The following GSTA3 variants were observed in gnomAD, a reference collection of about 807,000 sequenced individuals.
The protein encoded by GSTA3 is glutathione S-transferase A3.
A neutral mutation model predicts 23.1 loss-of-function variants in GSTA3; 16 were observed. The ratio of observed to expected loss-of-function variants is 0.69; its 90% CI spans 0.47 to 1.05. The LOEUF is 1.05. Among genes scored for constraint, GSTA3 ranks in the 50% least tolerant of loss-of-function variants. The pLI is 0.00. For missense variants in GSTA3, 319 were observed against 263.6 expected (o/e 1.21, Z -1.46); for synonymous variants, 122 against 91.0 (o/e 1.34, Z -1.94).
rs565821334 is a variant in GSTA3 at position 52,906,136 on chromosome 6, C to G, written c.-21-281G>C. Among the ~76,000 whole-genome samples the G allele has an allele frequency of 3.3e-5, 5 of 152,272 alleles. No individual in the cohort carries two copies. The East Asian group carries it at 9.7e-4, about 29-fold the overall frequency. ...GGCACTACTGACTTGCATTATGTTCCAACCTAGTTGGTGACTTCATGTGCC... is the reference window on the plus strand; with the variant it reads ...GGCACTACTGACTTGCATTATGTTCGAACCTAGTTGGTGACTTCATGTGCC... On this transcript the variant is annotated intron_variant, in intron 1 of 6. Coordinates refer to ENST00000211122, the MANE Select transcript of GSTA3 (RefSeq NM_000847.5).
chr6:52,899,993 C>T lies in GSTA3; in HGVS notation c.355G>A (p.Ala119Thr). 6.2e-7 allele frequency: 1 copy of T among 1,613,944 alleles called. No individual in the cohort carries two copies. The highest frequency in any genetic ancestry group is 8.5e-7 in the Non-Finnish European group (1 of 1,179,882). ...TTCTCTTTGATCAAGGCAATCTTGG[C>T]ATCTTTTTCCTCAGGTCGACATAAG... ...LPLCRPEEKD[A>T]KIALIKEKTK... The change falls in exon 5 of 7, where the codon GCC becomes ACC. Residue 119 changes from alanine (A) to threonine (T), a missense_variant. Transcript: ENST00000211122.
rs192722860 is a variant in GSTA3, at chr6:52,903,362, C to T, written c.139+314G>A. ...CAGCACTTTGGGAGGCCGAGGCGGG[C>T]GGATCACGAGGTCAGGAGATCGAGA... On this transcript the variant is annotated intron_variant, in intron 3 of 6. Coordinates refer to ENST00000211122, the MANE Select transcript of GSTA3 (RefSeq NM_000847.5). 7.5e-3 allele frequency among the ~76,000 whole-genome samples: 1,120 copies of T among 149,980 alleles called. 14 individuals are homozygous for T. Among genetic ancestry groups the T allele is most frequent in the African/African-American group, 0.023 (932 of 40,812 alleles).
intron 3 of GSTA3, 26 bp downstream of exon 3, chr6:52,903,650 A>G: frequency 7.7e-7 from 1 of 1,307,166 alleles, no homozygotes; most frequent in East Asian, 2.3e-5. Flanking sequence ...TACCCTCATC[A>G]GAGGCACTTA....
At chr6:52,901,988 C>G (rs1561953448) in intron 4 of GSTA3, among the ~76,000 whole-genome samples, 1 of 152,230 alleles carries the variant, frequency 6.6e-6, no homozygotes, top group African/African-American at 2.4e-5. Context: ...TCTACAGACT[C>G]TCAAACATTC....
rs946482051 is a variant in GSTA3 at position 52,902,361 on chromosome 6, A to G, written c.257T>C (p.Ile86Thr). Residue 86 changes from isoleucine to threonine, a missense_variant, in exon 4 of 7, where the codon ATA becomes ACA. Transcript: ENST00000211122. ...TATACCGTACAGGGCTCTCTCCTTT[A>G]TGTCTTTCCCGTAGAGGTTGTATTT... ...ASKYNLYGKD[I>T]KERALIDMYT... 3 of 1,613,644 alleles carry G rather than the reference A, an allele frequency of 1.9e-6. No homozygotes were observed. The highest frequency in any genetic ancestry group is 2.7e-5 in the African/African-American group (2 of 74,864).
intron 3 of GSTA3, among the ~76,000 whole-genome samples, chr6:52,903,089 C>T (rs146991084): frequency 2.0e-5 from 3 of 152,154 alleles, no homozygotes; most frequent in African/African-American, 7.2e-5. Flanking sequence ...TTCACGGTGC[C>T]CCAAGCATGA....
intron 4 of GSTA3, among the ~76,000 whole-genome samples, chr6:52,900,944 A>G (rs1765661537): frequency 1.3e-5 from 2 of 152,170 alleles, no homozygotes; most frequent in Non-Finnish European, 2.9e-5. Flanking sequence ...CTACAGCCCT[A>G]TCCATGTGCT....
At chr6:52,903,443 A>AC (rs948117972) in intron 3 of GSTA3, among the ~76,000 whole-genome samples, 1 of 151,478 alleles carries the variant, frequency 6.6e-6, no homozygotes, top group East Asian at 1.9e-4. Flanking sequence ...AAAAAAAAAA[A>AC]AAAACTAGCC....
At chr6:52,897,494 C>A (rs1453502130) in intron 6 of GSTA3, among the ~76,000 whole-genome samples, 2 of 152,108 alleles carry the variant, frequency 1.3e-5, no homozygotes, top group Non-Finnish European at 1.5e-5. Flanking sequence ...AGTGTGGGAA[C>A]ACAAGGACAG....
In GSTA3 at chr6:52,907,830, G is replaced by T. The variant is rs187283465; in HGVS notation, c.-22+1811C>A. ...CACACTCTGGGGACTGTTGTGGGGT[G>T]GGGGGAGGGGGGAGGGATAGCATTG... On this transcript the variant is annotated intron_variant, in intron 1 of 6. Transcript: ENST00000211122. 3.0e-3 allele frequency among the ~76,000 whole-genome samples: 331 copies of T among 110,812 alleles called. 2 individuals carry two copies. The highest frequency in any genetic ancestry group is 3.9e-3 in the Non-Finnish European group (200 of 51,526). 72.7% of individuals were successfully genotyped at this position (110,812 alleles called of 152,430 possible).
intron 5 of GSTA3, among the ~76,000 whole-genome samples, chr6:52,898,696 A>G (rs1765552957): frequency 6.6e-6 from 1 of 152,222 alleles, no homozygotes; most frequent in South Asian, 2.1e-4. Flanking sequence ...CAGTGACGCA[A>G]AAAGAATAGT....
At position 52,904,532 on chromosome 6, in the gene GSTA3, C is replaced by T. The variant is rs1399119506; in HGVS notation, c.88-805G>A. On this transcript the variant is annotated intron_variant, in intron 2 of 6. Transcript: ENST00000211122. ...TCGTGAAGCATTGGAGAAAGTGCCG[C>T]CCCGAGGTTCAGGTCCACACAGCGC... Among the ~76,000 whole-genome samples, 3 of 152,294 alleles carry T rather than the reference C, an allele frequency of 2.0e-5. No homozygotes were observed. The East Asian group carries it at 5.8e-4, about 29-fold the overall frequency.
At position 52,899,939 on chromosome 6, in the gene GSTA3, C is replaced by A. The variant is rs773432450; in HGVS notation, c.409G>T (p.Glu137Ter). The change falls in exon 5 of 7, where the codon GAA becomes TAA. Residue 137 changes from glutamate to a stop codon, truncating the protein, a stop_gained. Coordinates refer to ENST00000211122, the MANE Select transcript of GSTA3 (RefSeq NM_000847.5). LOFTEE classifies it high-confidence loss of function. ...KTKSRYFPAF[E>*]KVLQSHGQDY... The stretch of plus-strand genomic sequence containing the variant: ...TGCTGAACAGCTTCACCTACTTTTT[C>A]GAAGGCAGGGAAATAGCGACTTTTT... 1 of 1,613,516 alleles carries A rather than the reference C, an allele frequency of 6.2e-7. No homozygotes were observed. The highest frequency in any genetic ancestry group is 1.7e-4 in the Middle Eastern group (1 of 6,060).
chr6:52,897,696 T>A, intron 6 of GSTA3, 129 bp downstream of exon 6: 1 of 996,050 alleles, frequency 1.0e-6, no homozygotes, highest in Non-Finnish European at 1.5e-6. Flanking sequence ...AAGCTCATTT[T>A]GGAGACCTGG....
rs1330701115 is a variant in GSTA3 at position 52,902,350 on chromosome 6, C to G, written c.268G>C (p.Ala90Pro). The G allele has an allele frequency of 6.2e-7, 1 of 1,613,668 alleles. No individual in the cohort carries two copies. Among genetic ancestry groups the G allele is most frequent in the East Asian group, 2.2e-5 (1 of 44,902 alleles). Residue 90 changes from alanine (A) to proline (P), a missense_variant, in exon 4 of 7, where the codon GCC (alanine) becomes CCC (proline). Physicochemically the swap from Ala to Pro is conservative, Grantham distance 27 (BLOSUM62 -1). Transcript: ENST00000211122. ...AGAACACAAAATATACCGTACAGGG[C>G]TCTCTCCTTTATGTCTTTCCCGTAG... ...NLYGKDIKER[A>P]LIDMYTEGMA... is the part of the protein sequence containing the mutation.
intron 6 of GSTA3, 118 bp downstream of exon 6, chr6:52,897,707 G>C: frequency 9.1e-7 from 1 of 1,101,188 alleles, no homozygotes. Context: ...GGAGACCTGG[G>C]GGTACTGAAG....
chr6:52,903,080 T>G (rs1765749151), intron 3 of GSTA3, among the ~76,000 whole-genome samples: 1 of 152,102 alleles, frequency 6.6e-6, no homozygotes, highest in South Asian at 2.1e-4. Context: ...CTCAGCTCAT[T>G]CACGGTGCCC....
Position 52,902,214 on chromosome 6 carries a change from GGA to G in GSTA3, c.272+130_272+131del, listed in dbSNP as rs1175474822. On this transcript the variant is annotated intron_variant, in intron 4 of 6. Transcript: ENST00000211122. The stretch of plus-strand genomic sequence containing the variant: ...CATCCCCATGGGACTCTGCAATACT[GGA>G]CCTCAGTATACACGCCCAAGGCCCA... The G allele has an allele frequency of 9.7e-6, 10 of 1,032,390 alleles. No homozygotes were observed. The African/African-American group carries it at 1.5e-4, about 15-fold the overall frequency. The allele number at this position is 1,032,390 out of a possible 1,614,324, so 64.0% of individuals were successfully genotyped here.
Position 52,899,878 on chromosome 6 carries a change from AT to A in GSTA3, c.414+55del, listed in dbSNP as rs1177309262. 2.5e-6 allele frequency: 4 copies of A among 1,576,548 alleles called. No homozygotes were observed. The Admixed American group carries it at 5.1e-5, about 20-fold the overall frequency. ...AGTGCCCCAGGAATGCCCAGCCACT[AT>A]TTTTCTACTGGCCTCTAAACTCAGT... On this transcript the variant is annotated intron_variant, in intron 5 of 6. Transcript: ENST00000211122.
Sources: allele counts gnomAD v4.1 joint callset (sites outside exome capture counted in the v4.1 genomes callset), GRCh38; gene constraint gnomAD v4.1.1; transcripts MANE v1.5; gene names NCBI Gene and HGNC (gene_info 2026-07-23, HGNC 2026-07-21).